MTSS1: variants seen among roughly 807,000 people sequenced by gnomAD.
The protein encoded by MTSS1 is MTSS I-BAR domain containing 1, also known as protein MTSS 1.
In MTSS1, 18 loss-of-function variants were observed where a neutral mutation model predicts 79.0. The observed-to-expected ratio is 0.23, with a 90% confidence interval of 0.16 to 0.34. MTSS1 has a LOEUF of 0.34. MTSS1 is among the 10% of genes least tolerant of loss of function. The pLI is 1.00. For missense variants in MTSS1, 815 were observed against 986.2 expected, an observed-to-expected ratio of 0.83 and a Z score of 2.33; for synonymous variants, 341 against 368.6, an observed-to-expected ratio of 0.93 and a Z score of 0.86.
chr8:124,675,105 C>G (rs1369122969), intron 3 of MTSS1, among the ~76,000 whole-genome samples: 2 of 152,268 alleles, frequency 1.3e-5, no homozygotes, highest in African/African-American at 4.8e-5. Context: ...GAGCTAGCCT[C>G]CGCTTCACAG....
intron 3 of MTSS1, among the ~76,000 whole-genome samples, chr8:124,610,568 A>G: frequency 6.6e-6 from 1 of 152,194 alleles, no homozygotes; most frequent in East Asian, 1.9e-4. Context: ...GCTGCATGAG[A>G]CCTTAGGGGT....
At chr8:124,722,365 C>G (rs954500031) in intron 1 of MTSS1, among the ~76,000 whole-genome samples, 2 of 152,146 alleles carry the variant, frequency 1.3e-5, no homozygotes, top group Admixed American at 1.3e-4. Context: ...GGGAAGCAGG[C>G]GAGATGAGAG....
chr8:124,581,398 A>T (rs1362947857), intron 6 of MTSS1, among the ~76,000 whole-genome samples: 1 of 152,074 alleles, frequency 6.6e-6, no homozygotes, highest in African/African-American at 2.4e-5. Context: ...TATTATTTTT[A>T]AAAATCCCTT....
intron 3 of MTSS1, chr8:124,673,385 A>C (rs1824652619): frequency 1.4e-5 from 1 of 71,074 alleles, no homozygotes; most frequent in African/African-American, 4.6e-5. Context: ...TCTGTCTCAC[A>C]AAAAAAAAAA....
chr8:124,565,901 T>A (rs983074433), intron 8 of MTSS1, 142 bp from the exon 9 acceptor site: 4 of 584,098 alleles, frequency 6.8e-6, no homozygotes, highest in African/African-American at 3.8e-5. Flanking sequence ...AAATTTTTTT[T>A]AAATTGAAGA....
chr8:124,681,205 TA>T (rs765690095), intron 3 of MTSS1, among the ~76,000 whole-genome samples: 2,836 of 125,900 alleles, frequency 0.023, 45 homozygotes, highest in African/African-American at 0.053. Flanking sequence ...CTGTGACATT[TA>T]AAAAAAAAAA....
Position 124,552,183 on chromosome 8 carries a change from G to C in MTSS1, c.*809C>G, listed in dbSNP as rs1489858649. 2 of 152,734 alleles carry C rather than the reference G, an allele frequency of 1.3e-5. No homozygotes were observed. Among genetic ancestry groups the C allele is most frequent in the Non-Finnish European group, 2.9e-5 (2 of 68,084 alleles). The allele number at this position is 152,734 out of a possible 1,614,324, so 9.5% of individuals were successfully genotyped here. On this transcript the variant is annotated 3_prime_UTR_variant, in exon 14 of 14. Coordinates refer to ENST00000518547, the MANE Select transcript of MTSS1 (RefSeq NM_014751.6). ...ACTGCCCAGAGGCAGCAGCATGCATGGGGCTGGTTGTGGGTGCTGTGTGCA... is the reference window on the plus strand; with the variant it reads ...ACTGCCCAGAGGCAGCAGCATGCATCGGGCTGGTTGTGGGTGCTGTGTGCA...
chr8:124,610,780 T>G (rs1835656636), intron 3 of MTSS1, among the ~76,000 whole-genome samples: 1 of 152,114 alleles, frequency 6.6e-6, no homozygotes, highest in African/African-American at 2.4e-5. Flanking sequence ...CTGAAGAACC[T>G]TCCCCTTTCC....
At chr8:124,600,481 G>A (rs1403939215) in intron 3 of MTSS1, among the ~76,000 whole-genome samples, 1 of 152,238 alleles carries the variant, frequency 6.6e-6, no homozygotes, top group Admixed American at 6.5e-5. Flanking sequence ...GCTAGAGAGA[G>A]AGTCTGTGAG....
Position 124,662,363 on chromosome 8 carries a change from G to A in MTSS1, c.208+37163C>T, listed in dbSNP as rs548036461. On this transcript the variant is annotated intron_variant, in intron 3 of 13. Transcript: ENST00000518547. ...GTGATACGAATGTATTCCAGGGCCC[G>A]GCACATAGTAGATGTTCAATAAATA... Among the ~76,000 whole-genome samples the A allele has an allele frequency of 5.9e-5, 9 of 152,196 alleles. No homozygotes were observed. The South Asian group carries it at 6.2e-4, about 11-fold the overall frequency.
intron 6 of MTSS1, among the ~76,000 whole-genome samples, chr8:124,569,924 C>T (rs891382744): frequency 3.3e-5 from 5 of 152,156 alleles, no homozygotes; most frequent in African/African-American, 7.2e-5. Context: ...CCCACCGCCT[C>T]GCAGGAAGGG....
At position 124,589,581 on chromosome 8, in the gene MTSS1, C is replaced by CG. The variant is rs780464651; in HGVS notation, c.385+38_385+39insC. 2.3e-5 allele frequency: 35 copies of CG among 1,516,134 alleles called. No homozygotes were observed. In the African/African-American group the frequency reaches 4.9e-4, roughly 21 times the overall value. 93.9% of individuals were successfully genotyped at this position (1,516,134 alleles called of 1,614,324 possible). On this transcript the variant is annotated intron_variant, in intron 5 of 13. Transcript: ENST00000518547. Reference sequence around the variant, plus strand: ...AGCTGGCAACTTCCCACAGCGCCCCCCAGCGTGCAGTGATGCGCTAGACAT... The same window carrying CG: ...AGCTGGCAACTTCCCACAGCGCCCCCGCAGCGTGCAGTGATGCGCTAGACAT...
intron 1 of MTSS1, among the ~76,000 whole-genome samples, chr8:124,717,476 G>A (rs1005261348): frequency 5.3e-5 from 8 of 150,736 alleles, no homozygotes; most frequent in African/African-American, 1.7e-4. Context: ...CCGGCCTGGG[G>A]GACAGATACT....
Position 124,606,171 on chromosome 8 carries a change from GTT to G in MTSS1, c.209-14938_209-14937del, listed in dbSNP as rs11351219. 9.7e-3 allele frequency among the ~76,000 whole-genome samples: 866 copies of G among 88,870 alleles called. 7 individuals are homozygous for G. Among genetic ancestry groups the G allele is most frequent in the African/African-American group, 0.033 (751 of 22,672 alleles). 58.3% of individuals were successfully genotyped at this position (88,870 alleles called of 152,430 possible). A position where few individuals can be genotyped will look rare whatever the true frequency, so the allele number is the denominator to read the frequency against. On this transcript the variant is annotated intron_variant, in intron 3 of 13. Coordinates refer to ENST00000518547, the MANE Select transcript of MTSS1 (RefSeq NM_014751.6). Reference sequence around the variant, plus strand: ...TTGTGTTTTCTGTGTTTGGTTTTTTGTTTTTTTTTTTTTTTTTTGAGATAGAG... The same window carrying G: ...TTGTGTTTTCTGTGTTTGGTTTTTTGTTTTTTTTTTTTTTTTGAGATAGAG...
chr8:124,660,525 C>T (rs1018082995), intron 3 of MTSS1, among the ~76,000 whole-genome samples: 1 of 151,564 alleles, frequency 6.6e-6, no homozygotes, highest in Admixed American at 6.6e-5. Context: ...AACAAGGCTT[C>T]CCACACAACA....
chr8:124,665,005 G>C (rs1189650368), intron 3 of MTSS1, among the ~76,000 whole-genome samples: 1 of 152,024 alleles, frequency 6.6e-6, no homozygotes, highest in Non-Finnish European at 1.5e-5. Flanking sequence ...ATAAACTAAA[G>C]GTACAACTAA....
At chr8:124,664,720 T>C (rs1043913509) in intron 3 of MTSS1, among the ~76,000 whole-genome samples, 2 of 152,162 alleles carry the variant, frequency 1.3e-5, no homozygotes, top group Non-Finnish European at 2.9e-5. Context: ...TTTGCTTACA[T>C]CAAGTCATAG....
In MTSS1 at chr8:124,552,599, GA is replaced by G. The variant is rs990183505; in HGVS notation, c.*392del. ...CAATGCATCTACAAAAGCTTGTGGG[GA>G]AAAAAAAAGAAGAGTGAAGTATAGT... On this transcript the variant is annotated 3_prime_UTR_variant, in exon 14 of 14. Coordinates refer to ENST00000518547, the MANE Select transcript of MTSS1 (RefSeq NM_014751.6). 1.7e-4 allele frequency: 31 copies of G among 185,238 alleles called. No homozygotes were observed. Among genetic ancestry groups the G allele is most frequent in the South Asian group, 5.7e-4 (5 of 8,800 alleles). 11.5% of individuals were successfully genotyped at this position (185,238 alleles called of 1,614,324 possible).
At chr8:124,724,879 C>A (rs1189670239) in intron 1 of MTSS1, among the ~76,000 whole-genome samples, 1 of 152,188 alleles carries the variant, frequency 6.6e-6, no homozygotes, top group Admixed American at 6.5e-5. Flanking sequence ...ACTACTGTTC[C>A]CCAGACAAAC....
Sources: allele counts gnomAD v4.1 joint callset (sites outside exome capture counted in the v4.1 genomes callset), GRCh38; gene constraint gnomAD v4.1.1; transcripts MANE v1.5; gene names NCBI Gene and HGNC (gene_info 2026-07-23, HGNC 2026-07-21).